Variants in GUF1 observed in about 807,000 individuals in gnomAD.
GUF1 encodes the protein GTP binding elongation factor GUF1, also known as translation factor GUF1, mitochondrial.
A neutral mutation model predicts 82.4 loss-of-function variants in GUF1; 78 were observed. That is an observed-to-expected ratio of 0.95 (90% CI 0.79 to 1.14). GUF1 has a LOEUF of 1.14. GUF1 is among the 50% of genes most tolerant of loss of function. GUF1 has a pLI of 0.00. For missense variants in GUF1, 814 were observed against 798.2 expected (o/e 1.02, Z -0.24); for synonymous variants, 279 against 282.3 (o/e 0.99, Z 0.12).
intron 4 of GUF1, among the ~76,000 whole-genome samples, chr4:44,681,497 T>TA (rs1462689672): frequency 6.6e-6 from 1 of 152,124 alleles, no homozygotes; most frequent in Non-Finnish European, 1.5e-5. Context: ...CCACCAACTT[T>TA]AGCAGTTCTT....
intron 1 of GUF1, 121 bp downstream of exon 1, chr4:44,678,908 G>C: frequency 9.9e-7 from 1 of 1,009,084 alleles, no homozygotes; most frequent in Non-Finnish European, 1.4e-6. Flanking sequence ...ACTTGGTACA[G>C]GGAGGCAGAG....
chr4:44,692,721 T>C (rs1181903083), intron 13 of GUF1, among the ~76,000 whole-genome samples: 5 of 152,004 alleles, frequency 3.3e-5, no homozygotes, highest in Admixed American at 3.3e-4. Context: ...TTCCTTTGTA[T>C]TGAGAATTTT....
rs1283951192 is a variant in GUF1 at position 44,680,355 on chromosome 4, G to A, written c.166-86G>A. ...AATGCTAGAAATGATATTGTTCAAC[G>A]ATTAAAAGAATATTCTTTGAATTGG... On this transcript the variant is annotated intron_variant, in intron 1 of 16. Coordinates refer to ENST00000281543, the MANE Select transcript of GUF1 (RefSeq NM_021927.3). 4 of 601,222 alleles carry A rather than the reference G, an allele frequency of 6.7e-6. No individual in the cohort carries two copies. The East Asian group carries it at 8.7e-5, about 13-fold the overall frequency. The allele number at this position is 601,222 out of a possible 1,614,324, so 37.2% of individuals were successfully genotyped here. A position where few individuals can be genotyped will look rare whatever the true frequency, so the allele number is the denominator to read the frequency against.
intron 4 of GUF1, chr4:44,682,067 G>T (rs1388233887): frequency 7.7e-6 from 2 of 258,180 alleles, no homozygotes; most frequent in East Asian, 1.4e-4. Context: ...TTCCTTAAAG[G>T]CTTCCTATCT....
intron 13 of GUF1, among the ~76,000 whole-genome samples, chr4:44,692,941 GAATTATA>G (rs951715892): frequency 6.6e-6 from 1 of 151,958 alleles, no homozygotes; most frequent in Admixed American, 6.6e-5. Flanking sequence ...ACTACTTTCT[GAATTATA>G]AGTGGTCTTA....
chr4:44,682,391 G>C lies in GUF1; in HGVS notation c.565G>C (p.Val189Leu). 1 of 1,526,170 alleles carries C rather than the reference G, an allele frequency of 6.6e-7. No individual in the cohort carries two copies. Among genetic ancestry groups the C allele is most frequent in the Non-Finnish European group, 8.8e-7 (1 of 1,138,438 alleles). 94.5% of individuals were successfully genotyped at this position (1,526,170 alleles called of 1,614,324 possible). A position where few individuals can be genotyped will look rare whatever the true frequency, so the allele number is the denominator to read the frequency against. Residue 189 changes from valine to leucine, a missense_variant, in exon 5 of 17, where the codon GTA becomes CTA. Transcript: ENST00000281543. ...FFLAFEAQLS[V>L]IPVINKIDLK... ...TCTTGCCTTCGAAGCACAGCTATCG[G>C]TAATTCCAGTTATAAATAAGGTAAT... is the stretch of plus-strand genomic sequence containing the variant.
In GUF1 at chr4:44,688,237, G is replaced by A. The variant is rs527895192; in HGVS notation, c.1078+91G>A. 1.1e-5 allele frequency: 14 copies of A among 1,266,288 alleles called. No individual in the cohort carries two copies. The African/African-American group carries it at 1.5e-4, about 14-fold the overall frequency. 78.4% of individuals were successfully genotyped at this position (1,266,288 alleles called of 1,614,324 possible). A position where few individuals can be genotyped will look rare whatever the true frequency, so the allele number is the denominator to read the frequency against. On this transcript the variant is annotated intron_variant, in intron 9 of 16. Coordinates refer to ENST00000281543, the MANE Select transcript of GUF1 (RefSeq NM_021927.3). ...GGTTAAGGAAAAAATACACATTCTG[G>A]TTATTTTAAATAACCACTAATTCCA... is the stretch of plus-strand genomic sequence containing the variant.
At chr4:44,691,588 A>G (rs1715446051) in intron 12 of GUF1, 78 bp from the exon 13 acceptor site, 11 of 1,096,364 alleles carry the variant, frequency 1.0e-5, no homozygotes, top group Non-Finnish European at 1.3e-5. Context: ...AGTTTTTACT[A>G]GACCTTTAGA....
chr4:44,693,940 C>A, intron 13 of GUF1: 1 of 165,650 alleles, frequency 6.0e-6, no homozygotes, highest in Non-Finnish European at 1.3e-5. Context: ...GCTGAAGAGC[C>A]AAATAGGAAA....
At chr4:44,682,511 CTATT>C (rs968285139) in intron 5 of GUF1, 100 bp downstream of exon 5, 8 of 562,802 alleles carry the variant, frequency 1.4e-5, no homozygotes, top group Non-Finnish European at 2.4e-5. Flanking sequence ...GGATCACCAG[CTATT>C]TATTAAATAT....
chr4:44,698,077 C>T (rs945506894), intron 16 of GUF1, among the ~76,000 whole-genome samples: 2 of 151,996 alleles, frequency 1.3e-5, no homozygotes, highest in Admixed American at 6.6e-5. Context: ...GCTCAGGAGG[C>T]GGAGGTTACA....
Position 44,678,587 on chromosome 4 carries a change from TG to T in GUF1, c.-33del. ...AAACGGGCTATGCTGCTGTTGCGTG[TG>T]GGTACCCTCTCCTGACGCCTCCGCC... On this transcript the variant is annotated 5_prime_UTR_variant, in exon 1 of 17. It removes the in-frame stop codon of an upstream open reading frame in the 5' UTR. Transcript: ENST00000281543. The T allele has an allele frequency of 7.0e-7, 1 of 1,432,938 alleles. No homozygotes were observed. The highest frequency in any genetic ancestry group is 9.1e-7 in the Non-Finnish European group (1 of 1,100,410). The allele number at this position is 1,432,938 out of a possible 1,614,324, so 88.8% of individuals were successfully genotyped here.
At chr4:44,697,988 A>G (rs967422834) in intron 16 of GUF1, among the ~76,000 whole-genome samples, 3 of 152,124 alleles carry the variant, frequency 2.0e-5, no homozygotes, top group Non-Finnish European at 2.9e-5. Context: ...TTTACTGAAA[A>G]TACAAAAATT....
chr4:44,697,676 G>C (rs1282345923), intron 16 of GUF1, among the ~76,000 whole-genome samples: 2 of 145,690 alleles, frequency 1.4e-5, no homozygotes, highest in African/African-American at 2.5e-5. Context: ...TATTAAAATT[G>C]TTCTTATATG....
At chr4:44,678,984 T>C (rs1163912065) in intron 1 of GUF1, among the ~76,000 whole-genome samples, 197 bp downstream of exon 1, 2 of 152,218 alleles carry the variant, frequency 1.3e-5, no homozygotes, top group Non-Finnish European at 2.9e-5. Flanking sequence ...CTTGGGCAAG[T>C]CACTAACTTT....
intron 1 of GUF1, among the ~76,000 whole-genome samples, chr4:44,679,164 G>A (rs1714622325): frequency 6.6e-6 from 1 of 152,148 alleles, no homozygotes; most frequent in Non-Finnish European, 1.5e-5. Context: ...ATGTGGCCTG[G>A]GCAAGTTACT....
rs114956854 is a variant in GUF1 at position 44,691,364 on chromosome 4, G to C, written c.1480-302G>C. On this transcript the variant is annotated intron_variant, in intron 12 of 16. Coordinates refer to ENST00000281543, the MANE Select transcript of GUF1 (RefSeq NM_021927.3). ...AGGTTAAAAACTAGATTGTAATCTT[G>C]GTCTTAACTTTTAATTTCTCTGGAC... Among the ~76,000 whole-genome samples the C allele has an allele frequency of 5.3e-3, 806 of 151,740 alleles. 6 individuals are homozygous for C. The highest frequency in any genetic ancestry group is 0.019 in the African/African-American group (785 of 41,468).
chr4:44,678,881 T>G, intron 1 of GUF1, 94 bp downstream of exon 1: 1 of 1,282,576 alleles, frequency 7.8e-7, no homozygotes, highest in Non-Finnish European at 1.0e-6. Flanking sequence ...TGGGACTAGC[T>G]CTGAACCCTG....
intron 14 of GUF1, among the ~76,000 whole-genome samples, chr4:44,694,940 G>A (rs888200759): frequency 4.6e-5 from 7 of 152,114 alleles, no homozygotes; most frequent in Admixed American, 1.3e-4. Context: ...CTGAGTAGCT[G>A]GGACTACAAG....
Sources: allele counts gnomAD v4.1 joint callset (sites outside exome capture counted in the v4.1 genomes callset), GRCh38; gene constraint gnomAD v4.1.1; transcripts MANE v1.5; gene names NCBI Gene and HGNC (gene_info 2026-07-23, HGNC 2026-07-21).